The following FGF14 variants were observed in gnomAD, a reference collection of about 807,000 sequenced individuals.
The protein encoded by FGF14 is fibroblast growth factor homologous factor 4.
FGF14 carries 5 observed loss-of-function variants against 25.5 expected under a neutral mutation model. That is an observed-to-expected ratio of 0.20 (90% CI 0.10 to 0.41). The LOEUF is 0.41. Ranked by LOEUF, FGF14 falls within the 10% of genes least tolerant of loss-of-function variation. The pLI, the probability that FGF14 is intolerant of heterozygous loss-of-function variation, is 1.00. For synonymous variants in FGF14, 138 were observed against 118.3 expected (o/e 1.17, Z -1.08); for missense variants, 222 against 320.1 (o/e 0.69, Z 2.34).
At chr13:102,200,598 T>C (rs1490271010) in intron 1 of FGF14, among the ~76,000 whole-genome samples, 1 of 144,626 alleles carries the variant, frequency 6.9e-6, no homozygotes, top group Non-Finnish European at 1.5e-5. Flanking sequence ...GAAATGCAGG[T>C]CTTCTCATTC....
At chr13:102,315,169 C>T (rs2055961399) in intron 1 of FGF14, among the ~76,000 whole-genome samples, 1 of 151,796 alleles carries the variant, frequency 6.6e-6, no homozygotes, top group East Asian at 1.9e-4. Flanking sequence ...ACATGCCTTC[C>T]CTAATAAATC....
chr13:102,389,276 C>T (rs1024391510), intron 1 of FGF14, among the ~76,000 whole-genome samples: 8 of 152,160 alleles, frequency 5.3e-5, no homozygotes, highest in Non-Finnish European at 1.0e-4. Context: ...TAACATATCA[C>T]ATATTAGTTA....
At chr13:102,045,734 G>C (rs912256877) in intron 1 of FGF14, among the ~76,000 whole-genome samples, 1 of 152,046 alleles carries the variant, frequency 6.6e-6, no homozygotes, top group African/African-American at 2.4e-5. Context: ...ATTCATTCTG[G>C]TTGTAAGTTT....
At chr13:101,791,221 T>G (rs1315769961) in intron 3 of FGF14, among the ~76,000 whole-genome samples, 3 of 152,122 alleles carry the variant, frequency 2.0e-5, no homozygotes, top group Non-Finnish European at 2.9e-5. Context: ...CTTCAAAGGG[T>G]TGTTGTGAGG....
chr13:102,283,947 A>C (rs2053968996), intron 1 of FGF14, among the ~76,000 whole-genome samples: 1 of 152,232 alleles, frequency 6.6e-6, no homozygotes, highest in South Asian at 2.1e-4. Context: ...TATATATGTC[A>C]GTACGTAGTA....
chr13:102,036,079 G>T (rs1245669314), intron 1 of FGF14, among the ~76,000 whole-genome samples: 1 of 152,082 alleles, frequency 6.6e-6, no homozygotes, highest in East Asian at 1.9e-4. Context: ...GAAATAGAGA[G>T]AGAAAAACAT....
At chr13:102,002,351 T>C (rs2039543803) in intron 1 of FGF14, 2 of 152,556 alleles carry the variant, frequency 1.3e-5, no homozygotes, top group Non-Finnish European at 2.9e-5. Flanking sequence ...GCTGCTGTTA[T>C]AAATGATAGG....
chr13:101,981,570 G>A (rs1307072756), intron 1 of FGF14, among the ~76,000 whole-genome samples: 1 of 152,104 alleles, frequency 6.6e-6, no homozygotes, highest in Non-Finnish European at 1.5e-5. Context: ...AGTAAAGTAA[G>A]CCATCACTGT....
chr13:102,258,163 T>C (rs1370642981), intron 1 of FGF14, among the ~76,000 whole-genome samples: 1 of 152,090 alleles, frequency 6.6e-6, no homozygotes, highest in African/African-American at 2.4e-5. Flanking sequence ...GAGAAGAGTA[T>C]GGGGAAGCTG....
At chr13:102,302,312 A>G (rs1317049648) in intron 1 of FGF14, among the ~76,000 whole-genome samples, 3 of 152,178 alleles carry the variant, frequency 2.0e-5, no homozygotes, top group Non-Finnish European at 2.9e-5. Context: ...TCCCCTCTTT[A>G]TTAAAACACT....
At chr13:102,296,939 A>G (rs1391262416) in intron 1 of FGF14, among the ~76,000 whole-genome samples, 1 of 152,184 alleles carries the variant, frequency 6.6e-6, no homozygotes, top group East Asian at 1.9e-4. Flanking sequence ...CATAAAAATC[A>G]CACAAATATA....
chr13:101,740,383 A>T (rs2036470566), intron 3 of FGF14, among the ~76,000 whole-genome samples: 3 of 152,324 alleles, frequency 2.0e-5, no homozygotes, highest in Admixed American at 6.5e-5. Context: ...AAAGAGAGCC[A>T]ATTTGGATAT....
chr13:102,199,923 C>G (rs1203805737), intron 1 of FGF14, among the ~76,000 whole-genome samples: 1 of 152,202 alleles, frequency 6.6e-6, no homozygotes, highest in Non-Finnish European at 1.5e-5. Flanking sequence ...AGGCACATTA[C>G]ACTTTGGGGA....
At chr13:102,360,899 G>T (rs529891614) in intron 1 of FGF14, among the ~76,000 whole-genome samples, 2 of 151,770 alleles carry the variant, frequency 1.3e-5, no homozygotes, top group East Asian at 1.9e-4. Context: ...ACACACACAC[G>T]AGCCACAAAT....
At chr13:101,796,158 T>C (rs2040509035) in intron 3 of FGF14, among the ~76,000 whole-genome samples, 1 of 152,134 alleles carries the variant, frequency 6.6e-6, no homozygotes, top group South Asian at 2.1e-4. Flanking sequence ...TTTTCTTCAG[T>C]AAATAGCTTA....
intron 1 of FGF14, among the ~76,000 whole-genome samples, chr13:102,153,738 T>C (rs1566752001): frequency 6.6e-6 from 1 of 152,208 alleles, no homozygotes; most frequent in South Asian, 2.1e-4. Flanking sequence ...GTAACCACCA[T>C]TCTACTCTCA....
chr13:101,832,668 T>G (rs2042732061), intron 3 of FGF14, among the ~76,000 whole-genome samples: 1 of 151,954 alleles, frequency 6.6e-6, no homozygotes, highest in African/African-American at 2.4e-5. Context: ...ACTGAAATTA[T>G]CCCTCCCTAC....
intron 1 of FGF14, among the ~76,000 whole-genome samples, chr13:102,389,165 A>C (rs1331688698): frequency 6.6e-6 from 1 of 152,052 alleles, no homozygotes; most frequent in Non-Finnish European, 1.5e-5. Context: ...ATTCTTTCTC[A>C]TATCTAGTAT....
At chr13:102,389,679 GC>G (rs2058386469) in intron 1 of FGF14, among the ~76,000 whole-genome samples, 1 of 152,174 alleles carries the variant, frequency 6.6e-6, no homozygotes, top group African/African-American at 2.4e-5. Context: ...TTTGCTAGAA[GC>G]CCCTTAAAAG....
Sources: gnomAD v4.1 joint callset for allele counts (sites outside exome capture counted in the v4.1 genomes callset) on GRCh38, gnomAD v4.1.1 for gene constraint, MANE v1.5 for transcripts, NCBI Gene and HGNC (gene_info 2026-07-23, HGNC 2026-07-21) for gene names.